Variants in TIAM2 observed in about 807,000 individuals in gnomAD.
TIAM2 encodes rho guanine nucleotide exchange factor TIAM2.
Under a neutral mutation model 152.9 loss-of-function variants are expected in TIAM2, and 80 were observed. The ratio of observed to expected loss-of-function variants is 0.52; its 90% CI spans 0.44 to 0.63. The LOEUF is 0.63. Ranked by LOEUF, TIAM2 falls within the 30% of genes least tolerant of loss-of-function variation. The pLI is 0.00. For synonymous variants in TIAM2, 804 were observed against 838.0 expected (o/e 0.96, Z 0.70); for missense variants, 1,965 against 2,120.1 (o/e 0.93, Z 1.44).
chr6:155,170,669 G>GGT (rs1030778340), intron 9 of TIAM2, among the ~76,000 whole-genome samples: 1 of 152,200 alleles, frequency 6.6e-6, no homozygotes, highest in Non-Finnish European at 1.5e-5. Context: ...GTTGGACTTT[G>GGT]AAAATAAATT....
rs1780956030 is a variant in TIAM2 at position 155,183,325 on chromosome 6, G to A, written c.2889G>A (p.Glu963=). 6.2e-7 allele frequency: 1 copy of A among 1,614,184 alleles called. No individual in the cohort carries two copies. The highest frequency in any genetic ancestry group is 8.5e-7 in the Non-Finnish European group (1 of 1,180,040). ...DLKQMEALFS[E]KSVGLTLIAR... ...AGCAGATGGAGGCCCTGTTTTCTGA[G>A]AAGAGCGTCGGACTCACTCTGATTG... The change falls in exon 14 of 27, where the codon GAG becomes GAA. Residue 963 remains glutamate, a synonymous_variant. Transcript: ENST00000682666.
chr6:155,211,423 T>C (rs145571446), intron 15 of TIAM2, 116 bp downstream of exon 15: 3 of 693,550 alleles, frequency 4.3e-6, no homozygotes, highest in African/African-American at 1.8e-5. Context: ...CAGCAGTTGA[T>C]ACAAACATAC....
rs59365890 is a variant in TIAM2 at position 155,243,846 on chromosome 6, C to CAA, written c.3349-135_3349-134dup. Among the ~76,000 whole-genome samples, 198 of 55,056 alleles carry CAA rather than the reference C, an allele frequency of 3.6e-3. 13 individuals carry two copies. The highest frequency in any genetic ancestry group is 0.01 in the African/African-American group (130 of 12,394). 36.1% of individuals were successfully genotyped at this position (55,056 alleles called of 152,430 possible). A position where few individuals can be genotyped will look rare whatever the true frequency, so the allele number is the denominator to read the frequency against. ...TGGGTGACAGAGCAAGACTCCGTCT[C>CAA]AAAAAAAAAAAAAAAAAAAAAAAAA... On this transcript the variant is annotated intron_variant, in intron 16 of 26. Coordinates refer to ENST00000682666, the MANE Select transcript of TIAM2 (RefSeq NM_012454.4).
At chr6:155,059,161 C>T (rs1254630747) in intron 1 of TIAM2, among the ~76,000 whole-genome samples, 1 of 152,168 alleles carries the variant, frequency 6.6e-6, no homozygotes, top group Non-Finnish European at 1.5e-5. Context: ...TGTGATTCTA[C>T]ATTGCAGTTA....
intron 1 of TIAM2, among the ~76,000 whole-genome samples, chr6:155,067,049 A>G (rs928609867): frequency 2.6e-5 from 4 of 152,084 alleles, no homozygotes; most frequent in African/African-American, 4.8e-5. Context: ...TTCTTTACAA[A>G]TATTTCTATT....
intron 4 of TIAM2, among the ~76,000 whole-genome samples, chr6:155,132,624 C>T (rs1035026200): frequency 6.6e-6 from 1 of 152,222 alleles, no homozygotes; most frequent in African/African-American, 2.4e-5. Context: ...CAACTGATCC[C>T]CACTGAGCAT....
intron 1 of TIAM2, among the ~76,000 whole-genome samples, chr6:155,079,618 T>G (rs1695473325): frequency 6.6e-6 from 1 of 152,230 alleles, no homozygotes. Flanking sequence ...TGGAGCTGAC[T>G]CTTTATGGAT....
intron 2 of TIAM2, among the ~76,000 whole-genome samples, chr6:155,117,365 A>G (rs78173420): frequency 0.045 from 6,887 of 152,130 alleles, 174 homozygotes; most frequent in Middle Eastern, 0.092. Flanking sequence ...TGACATTCCA[A>G]AAACATACCA....
At chr6:155,104,830 C>T (rs1479356775) in intron 2 of TIAM2, among the ~76,000 whole-genome samples, 1 of 151,816 alleles carries the variant, frequency 6.6e-6, no homozygotes, top group Non-Finnish European at 1.5e-5. Context: ...TGTGTGTGTG[C>T]CTATATGGGT....
At chr6:155,018,414 G>A (rs1245710094) in intron 1 of TIAM2, among the ~76,000 whole-genome samples, 1 of 151,730 alleles carries the variant, frequency 6.6e-6, no homozygotes, top group Non-Finnish European at 1.5e-5. Flanking sequence ...GAGGTCAGGA[G>A]TTTGAGACCA....
In TIAM2 at chr6:155,029,405, A is replaced by AC. The variant is rs1207256572; in HGVS notation, c.-209+33913_-209+33914insC. Reference sequence around the variant, plus strand: ...CTATGTTATATATATACTATAGTATATATAATATATACTATATATACTATA... The same window carrying AC: ...CTATGTTATATATATACTATAGTATACTATAATATATACTATATATACTATA... On this transcript the variant is annotated intron_variant, in intron 1 of 26. Coordinates refer to ENST00000682666, the MANE Select transcript of TIAM2 (RefSeq NM_012454.4). Among the ~76,000 whole-genome samples the AC allele has an allele frequency of 1.8e-4, 18 of 100,184 alleles. 2 individuals carry two copies. The highest frequency in any genetic ancestry group is 7.0e-4 in the African/African-American group (18 of 25,726). The allele number at this position is 100,184 out of a possible 152,430, so 65.7% of individuals were successfully genotyped here. A position where few individuals can be genotyped will look rare whatever the true frequency, so the allele number is the denominator to read the frequency against.
At chr6:155,237,983 A>C (rs1782858839) in intron 15 of TIAM2, among the ~76,000 whole-genome samples, 3 of 152,256 alleles carry the variant, frequency 2.0e-5, no homozygotes, top group Admixed American at 1.3e-4. Flanking sequence ...TCTCTTCAGA[A>C]AATGGGATTT....
chr6:155,204,647 TA>T (rs1284647233), intron 14 of TIAM2, among the ~76,000 whole-genome samples: 1 of 152,166 alleles, frequency 6.6e-6, no homozygotes, highest in Non-Finnish European at 1.5e-5. Flanking sequence ...ATGAGAGTAT[TA>T]AAAATCAATG....
In TIAM2 at chr6:155,240,704, G is replaced by GTGAAGGTA. The variant is rs1562367917; in HGVS notation, c.3344_3348+3dup. On this transcript the variant is annotated frameshift_variant, in exon 16 of 27. Transcript: ENST00000682666. LOFTEE classifies it high-confidence loss of function. Reference sequence around the variant, plus strand: ...GCTTGTGGACACAGAGAAGTCCTACGTGAAGGTAAGGGAAGAGCTGGCATT... The same window carrying GTGAAGGTA: ...GCTTGTGGACACAGAGAAGTCCTACGTGAAGGTATGAAGGTAAGGGAAGAGCTGGCATT... 1 of 1,610,784 alleles carries GTGAAGGTA rather than the reference G, an allele frequency of 6.2e-7. No individual in the cohort carries two copies. Among genetic ancestry groups the GTGAAGGTA allele is most frequent in the East Asian group, 2.2e-5 (1 of 44,846 alleles).
rs113372203 is a variant in TIAM2, at chr6:155,005,102, G to C, written c.-209+9610G>C. On this transcript the variant is annotated intron_variant, in intron 1 of 26. Transcript: ENST00000682666. ...GCTTGGAGGATGGTAATGGAGGTCA[G>C]GTTGCCCAAGGCAAGGCTCTCTCCA... 4.3e-3 allele frequency: 1,183 copies of C among 276,168 alleles called. 15 individuals are homozygous for C. The highest frequency in any genetic ancestry group is 0.025 in the African/African-American group (1,101 of 44,750). The allele number at this position is 276,168 out of a possible 1,614,324, so 17.1% of individuals were successfully genotyped here. A position where few individuals can be genotyped will look rare whatever the true frequency, so the allele number is the denominator to read the frequency against.
Position 155,145,595 on chromosome 6 carries a change from C to A in TIAM2, c.1803+817C>A, listed in dbSNP as rs190521080. On this transcript the variant is annotated intron_variant, in intron 6 of 26. Coordinates refer to ENST00000682666, the MANE Select transcript of TIAM2 (RefSeq NM_012454.4). ...GAGAGCTGGGAAGTGAAGTGTGCTT[C>A]TTAAATGTCCCCCATCTAAACCCAG... is the stretch of plus-strand genomic sequence containing the variant. Among the ~76,000 whole-genome samples, 3 of 152,284 alleles carry A rather than the reference C, an allele frequency of 2.0e-5. No homozygotes were observed. In the East Asian group the frequency reaches 5.8e-4, roughly 29 times the overall value.
At chr6:155,069,481 G>C (rs1302735144) in intron 1 of TIAM2, among the ~76,000 whole-genome samples, 3 of 152,142 alleles carry the variant, frequency 2.0e-5, no homozygotes, top group Non-Finnish European at 2.9e-5. Flanking sequence ...CATGCCTTTG[G>C]AGAAACTGTT....
At chr6:155,198,184 T>C (rs1383732909) in intron 14 of TIAM2, among the ~76,000 whole-genome samples, 1 of 152,212 alleles carries the variant, frequency 6.6e-6, no homozygotes, top group African/African-American at 2.4e-5. Context: ...ATGGCTGATA[T>C]GAAAGTTGCC....
rs756202182 is a variant in TIAM2 at position 155,174,295 on chromosome 6, C to G, written c.2362-2521C>G. Among the ~76,000 whole-genome samples, 56 of 152,078 alleles carry G rather than the reference C, an allele frequency of 3.7e-4. No homozygotes were observed. The highest frequency in any genetic ancestry group is 1.2e-4 in the Non-Finnish European group (8 of 68,032). On this transcript the variant is annotated intron_variant, in intron 9 of 26. Transcript: ENST00000682666. The surrounding 1 kb of genome is among the most constrained non-coding windows in gnomAD (Gnocchi z 4.2). Reference sequence around the variant, plus strand: ...CCATAGGAAGTGATGATGGTGCCTTCCTGAGAGGGCTGGCTGTGAGTGGTG... The same window carrying G: ...CCATAGGAAGTGATGATGGTGCCTTGCTGAGAGGGCTGGCTGTGAGTGGTG...
Sources: allele counts gnomAD v4.1 joint callset (sites outside exome capture counted in the v4.1 genomes callset), GRCh38; gene constraint gnomAD v4.1.1; non-coding constraint Gnocchi (gnomAD v3.1); transcripts MANE v1.5; gene names NCBI Gene and HGNC (gene_info 2026-07-23, HGNC 2026-07-21).